Variants in NRXN1 observed in about 807,000 individuals in gnomAD.
NRXN1 encodes the protein neurexin 1.
NRXN1 carries 39 observed loss-of-function variants against 150.9 expected under a neutral mutation model. That is an observed-to-expected ratio of 0.26 (90% CI 0.20 to 0.34). The LOEUF (loss-of-function observed/expected upper bound fraction) is 0.34. Ranked by LOEUF, NRXN1 falls within the 10% of genes least tolerant of loss-of-function variation. NRXN1 has a pLI of 1.00. For synonymous variants in NRXN1, 924 were observed against 757.0 expected (o/e 1.22, Z -3.62); for missense variants, 1,815 against 1,949.9 (o/e 0.93, Z 1.30).
chr2:49,985,330 A>C (rs2152513083), intron 21 of NRXN1, among the ~76,000 whole-genome samples: 1 of 152,314 alleles, frequency 6.6e-6, no homozygotes, highest in African/African-American at 2.4e-5. Flanking sequence ...GACATAACTC[A>C]TTCACCGTGG....
intron 5 of NRXN1, among the ~76,000 whole-genome samples, chr2:50,768,656 T>G (rs1702634901): frequency 6.6e-6 from 1 of 151,994 alleles, no homozygotes; most frequent in South Asian, 2.1e-4. Flanking sequence ...AAGTCATTTC[T>G]TGCTTTAAGT....
chr2:50,867,706 G>C (rs944751908), intron 5 of NRXN1, among the ~76,000 whole-genome samples: 16 of 151,840 alleles, frequency 1.1e-4, no homozygotes, highest in African/African-American at 3.6e-4. Context: ...AATGTCTCCA[G>C]GGTATTTTAA....
At chr2:49,937,919 G>T (rs912733377) in intron 22 of NRXN1, among the ~76,000 whole-genome samples, 5 of 152,118 alleles carry the variant, frequency 3.3e-5, no homozygotes, top group African/African-American at 1.2e-4. Flanking sequence ...TAATGAAAAG[G>T]TGCACCTTGT....
intron 17 of NRXN1, among the ~76,000 whole-genome samples, chr2:50,418,087 G>T (rs2083686496): frequency 6.6e-6 from 1 of 152,006 alleles, no homozygotes. Flanking sequence ...AACCAGGGTA[G>T]AAGCTGGAGG....
intron 17 of NRXN1, among the ~76,000 whole-genome samples, chr2:50,303,025 A>G (rs1219362568): frequency 1.3e-5 from 2 of 152,218 alleles, no homozygotes; most frequent in Non-Finnish European, 2.9e-5. Flanking sequence ...TTTGAACTAA[A>G]GTCCAAAAGG....
intron 5 of NRXN1, chr2:50,912,321 T>C (rs1398857623): frequency 6.6e-6 from 1 of 151,440 alleles, no homozygotes; most frequent in African/African-American, 2.4e-5. Flanking sequence ...TCCCAGGTGA[T>C]TGTGGGAGTT....
At chr2:50,638,465 A>C (rs537631272) in intron 5 of NRXN1, among the ~76,000 whole-genome samples, 2 of 152,320 alleles carry the variant, frequency 1.3e-5, no homozygotes, top group South Asian at 4.1e-4. Context: ...ATCAAAAAGC[A>C]GAGCACATTG....
intron 6 of NRXN1, among the ~76,000 whole-genome samples, chr2:50,622,113 T>C (rs1680133151): frequency 6.6e-6 from 1 of 152,154 alleles, no homozygotes; most frequent in South Asian, 2.1e-4. Context: ...ACAGTTATAC[T>C]GATGGTGGCC....
At chr2:50,309,947 G>C (rs1010542160) in intron 17 of NRXN1, among the ~76,000 whole-genome samples, 17 of 152,224 alleles carry the variant, frequency 1.1e-4, no homozygotes, top group African/African-American at 3.9e-4. Context: ...TCTTGGAATG[G>C]ACCCTCCTTC....
intron 17 of NRXN1, among the ~76,000 whole-genome samples, chr2:50,265,962 TTTG>T (rs2068786286): frequency 7.4e-6 from 1 of 134,716 alleles, no homozygotes; most frequent in Non-Finnish European, 1.5e-5. Context: ...TATTTATTTC[TTTG>T]TTATTATTAT....
At chr2:50,926,269 T>C (rs1455356657) in intron 2 of NRXN1, among the ~76,000 whole-genome samples, 1 of 151,972 alleles carries the variant, frequency 6.6e-6, no homozygotes, top group East Asian at 1.9e-4. Flanking sequence ...GTGGTCTTTC[T>C]AGGCAATTAT....
chr2:50,287,790 G>A (rs2072381540), intron 17 of NRXN1, among the ~76,000 whole-genome samples: 1 of 152,136 alleles, frequency 6.6e-6, no homozygotes, highest in Admixed American at 6.5e-5. Flanking sequence ...TTTCCCATAT[G>A]TTGCAGCACG....
chr2:50,027,255 C>T (rs557030454), intron 21 of NRXN1, among the ~76,000 whole-genome samples: 21 of 151,400 alleles, frequency 1.4e-4, no homozygotes, highest in Admixed American at 4.6e-4. Flanking sequence ...TGATTTATTT[C>T]CTTCTTTCCT....
chr2:49,960,294 C>T (rs188740800), intron 21 of NRXN1, among the ~76,000 whole-genome samples: 1 of 152,138 alleles, frequency 6.6e-6, no homozygotes, highest in Non-Finnish European at 1.5e-5. Flanking sequence ...ATCTGTGTTG[C>T]TTATAGCAAC....
chr2:50,076,699 T>A (rs1178645618), intron 19 of NRXN1, among the ~76,000 whole-genome samples: 1 of 152,136 alleles, frequency 6.6e-6, no homozygotes, highest in Non-Finnish European at 1.5e-5. Context: ...TGGTATATAT[T>A]CCTACAGCAA....
At chr2:51,003,851 C>T (rs1159140473) in intron 2 of NRXN1, among the ~76,000 whole-genome samples, 1 of 151,974 alleles carries the variant, frequency 6.6e-6, no homozygotes, top group Non-Finnish European at 1.5e-5. Flanking sequence ...GAAGTTTCAG[C>T]TTGTGAATAA....
At chr2:49,925,962 G>A (rs561493543) in intron 22 of NRXN1, among the ~76,000 whole-genome samples, 9 of 152,228 alleles carry the variant, frequency 5.9e-5, no homozygotes, top group East Asian at 1.9e-4. Context: ...AAATTAAGCC[G>A]ATGTAGCCAG....
intron 17 of NRXN1, among the ~76,000 whole-genome samples, chr2:50,341,852 A>C (rs1034450511): frequency 6.6e-6 from 1 of 152,234 alleles, no homozygotes; most frequent in African/African-American, 2.4e-5. Context: ...TTTTTATCAG[A>C]TCATTTCATG....
chr2:49,999,410 T>A (rs1275825141), intron 21 of NRXN1, among the ~76,000 whole-genome samples: 1 of 152,172 alleles, frequency 6.6e-6, no homozygotes, highest in Non-Finnish European at 1.5e-5. Context: ...TATTTATAAC[T>A]TATTATTTAG....
Sources: allele counts gnomAD v4.1 joint callset (sites outside exome capture counted in the v4.1 genomes callset), GRCh38; gene constraint gnomAD v4.1.1; transcripts MANE v1.5; gene names NCBI Gene and HGNC (gene_info 2026-07-23, HGNC 2026-07-21).